The following DNAJB4 variants were observed in gnomAD, a reference collection of about 807,000 sequenced individuals.
DNAJB4 encodes dnaJ homolog subfamily B member 4.
DNAJB4 carries 10 observed loss-of-function variants against 26.6 expected under a neutral mutation model. The observed-to-expected ratio is 0.38, with a 90% CI of 0.23 to 0.64. The LOEUF is 0.64. Among genes scored for constraint, DNAJB4 ranks in the 30% least tolerant of loss-of-function variants. DNAJB4 has a pLI of 0.58. For missense variants in DNAJB4, 328 were observed against 408.2 expected (o/e 0.80, Z 1.69); for synonymous variants, 136 against 134.8 (o/e 1.01, Z -0.06).
intron 1 of DNAJB4, among the ~76,000 whole-genome samples, chr1:77,983,393 C>T (rs1659713649): frequency 6.6e-6 from 1 of 152,202 alleles, no homozygotes; most frequent in South Asian, 2.1e-4. Context: ...TCCTCTTATA[C>T]TAATCCTCCT....
chr1:78,014,502 A>G (rs2102615925), intron 2 of DNAJB4, among the ~76,000 whole-genome samples: 1 of 152,254 alleles, frequency 6.6e-6, no homozygotes, highest in East Asian at 1.9e-4. Flanking sequence ...TATAACCTCT[A>G]CCATAAAGTC....
upstream of DNAJB4, among the ~76,000 whole-genome samples, chr1:78,000,122 A>G (rs562332222): frequency 6.6e-6 from 1 of 152,306 alleles, no homozygotes; most frequent in East Asian, 1.9e-4. Flanking sequence ...TACCAATTGG[A>G]CAGCTGTGTG....
At chr1:78,007,454 A>G (rs1052490700) in intron 1 of DNAJB4, among the ~76,000 whole-genome samples, 136 of 151,998 alleles carry the variant, frequency 8.9e-4, no homozygotes, top group Non-Finnish European at 3.4e-4. Flanking sequence ...GGTGGCAGAC[A>G]CCTCTAATCC....
chr1:77,994,369 G>T (rs1660009949), intron 1 of DNAJB4, among the ~76,000 whole-genome samples: 1 of 149,498 alleles, frequency 6.7e-6, no homozygotes, highest in African/African-American at 2.5e-5. Flanking sequence ...CTGCACTCTA[G>T]CCTGGGTGAC....
intron 2 of DNAJB4, among the ~76,000 whole-genome samples, chr1:78,014,553 T>C (rs970411835): frequency 1.3e-5 from 2 of 152,188 alleles, no homozygotes; most frequent in African/African-American, 4.8e-5. Context: ...AAATCTGATG[T>C]CTACCCATAA....
chr1:77,984,186 T>C lies in DNAJB4; in HGVS notation c.-32+3864T>C, dbSNP rs190475040. Among the ~76,000 whole-genome samples, 268 of 152,334 alleles carry C rather than the reference T, an allele frequency of 1.8e-3. 1 individual carries two copies. Among genetic ancestry groups the C allele is most frequent in the African/African-American group, 5.7e-3 (238 of 41,578 alleles). ...AGGCTGTTGCTCCACTTTAATCAAA[T>C]GTTTTCTTTGCCTTGTTTCTGCATT... is the stretch of plus-strand genomic sequence containing the variant. On this transcript the variant is annotated intron_variant, in intron 1 of 2. Coordinates refer to the DNAJB4 transcript ENST00000426517.
At chr1:77,980,085 G>C (rs746637332), upstream of DNAJB4, 1 of 152,064 alleles carries the variant, frequency 6.6e-6, no homozygotes. Context: ...GGGTTTCACC[G>C]TGTTAGCCAG....
At chr1:77,992,711 C>T (rs1553133897) in intron 1 of DNAJB4, 1 of 152,086 alleles carries the variant, frequency 6.6e-6, no homozygotes. Flanking sequence ...TACCATCAGA[C>T]AAGCAAAAAC....
Position 78,016,251 on chromosome 1 carries a change from G to A in DNAJB4, c.*4G>A. 1.9e-6 allele frequency: 3 copies of A among 1,609,542 alleles called. No individual in the cohort carries two copies. Among genetic ancestry groups the A allele is most frequent in the Non-Finnish European group, 2.5e-6 (3 of 1,176,760 alleles). On this transcript the variant is annotated 3_prime_UTR_variant, in exon 3 of 3. Coordinates refer to ENST00000370763, the MANE Select transcript of DNAJB4 (RefSeq NM_007034.5). ...GAAACATCTTCCTGCCTCATAGAAT[G>A]AAGAACTTTGTTACACATATTTTGA...
chr1:77,983,118 C>T (rs1557499022), intron 1 of DNAJB4, among the ~76,000 whole-genome samples: 1 of 152,168 alleles, frequency 6.6e-6, no homozygotes, highest in Non-Finnish European at 1.5e-5. Flanking sequence ...GGGAGAGGGT[C>T]AGCAGACACG....
chr1:78,013,737 T>C, intron 2 of DNAJB4, 118 bp downstream of exon 2: 1 of 806,714 alleles, frequency 1.2e-6, no homozygotes, highest in Non-Finnish European at 1.9e-6. Context: ...AAATAATTAC[T>C]ATAAAAATCC....
At chr1:77,982,782 A>C (rs1232251073) in intron 1 of DNAJB4, among the ~76,000 whole-genome samples, 1 of 152,170 alleles carries the variant, frequency 6.6e-6, no homozygotes, top group Non-Finnish European at 1.5e-5. Flanking sequence ...TGGGTGACAC[A>C]GCGAGATTCT....
chr1:77,983,415 C>A (rs544102863), intron 1 of DNAJB4, among the ~76,000 whole-genome samples: 27 of 152,190 alleles, frequency 1.8e-4, no homozygotes, highest in Non-Finnish European at 3.7e-4. Context: ...AGCACAGACC[C>A]TTTACGGGTG....
chr1:78,015,232 A>G (rs1285537930), intron 2 of DNAJB4, among the ~76,000 whole-genome samples: 1 of 152,226 alleles, frequency 6.6e-6, no homozygotes, highest in Non-Finnish European at 1.5e-5. Context: ...AATGCTCAGT[A>G]AACATTTGTT....
chr1:78,002,028 G>A (rs916851046), upstream of DNAJB4, among the ~76,000 whole-genome samples: 5 of 152,090 alleles, frequency 3.3e-5, no homozygotes, highest in Non-Finnish European at 5.9e-5. Flanking sequence ...CAAACTTTCC[G>A]TCACACATAC....
At position 78,017,260 on chromosome 1, in the gene DNAJB4, A is replaced by C. The variant is rs960682099; in HGVS notation, c.*1013A>C. The C allele has an allele frequency of 6.6e-6, 1 of 152,000 alleles. No individual in the cohort carries two copies. The highest frequency in any genetic ancestry group is 1.5e-5 in the Non-Finnish European group (1 of 67,910). 9.4% of individuals were successfully genotyped at this position (152,000 alleles called of 1,614,324 possible). On this transcript the variant is annotated 3_prime_UTR_variant, in exon 3 of 3. Transcript: ENST00000370763. ...ATAAATATTTTACTTTTTCACATGT[A>C]TAGATTGCATTTCTTAGGTGTTTTA...
rs531009669 is a variant in DNAJB4, at chr1:78,016,404, A to G, written c.*157A>G. ...TAGAGACGGGTCAAATAAATAGGCA[A>G]AAGGGATTTTTACAGTTAGAGATAA... On this transcript the variant is annotated 3_prime_UTR_variant, in exon 3 of 3. Transcript: ENST00000370763. 6.5e-6 allele frequency: 4 copies of G among 612,318 alleles called. No homozygotes were observed. The highest frequency in any genetic ancestry group is 1.9e-5 in the African/African-American group (1 of 53,814). 37.9% of individuals were successfully genotyped at this position (612,318 alleles called of 1,614,324 possible).
At chr1:78,003,569 T>C (rs1660244148), upstream of DNAJB4, among the ~76,000 whole-genome samples, 1 of 152,214 alleles carries the variant, frequency 6.6e-6, no homozygotes, top group Admixed American at 6.5e-5. Flanking sequence ...TCTAAACATA[T>C]ATGTACATTT....
intron 1 of DNAJB4, among the ~76,000 whole-genome samples, chr1:77,987,248 A>G (rs548354893): frequency 2.0e-5 from 3 of 152,108 alleles, no homozygotes; most frequent in Non-Finnish European, 4.4e-5. Context: ...CATGGTTTCA[A>G]ATATCACCTA....
Sources: allele counts gnomAD v4.1 joint callset (sites outside exome capture counted in the v4.1 genomes callset), GRCh38; gene constraint gnomAD v4.1.1; transcripts MANE v1.5; gene names NCBI Gene and HGNC (gene_info 2026-07-23, HGNC 2026-07-21).